GPM6A: variants seen among roughly 807,000 people sequenced by gnomAD.
GPM6A encodes the protein glycoprotein M6A.
Under a neutral mutation model 32.1 loss-of-function variants are expected in GPM6A, and 7 were observed. The ratio of observed to expected loss-of-function variants is 0.22; its 90% CI spans 0.12 to 0.41. The LOEUF is 0.41. GPM6A is among the 10% of genes least tolerant of loss of function. The pLI, the probability that GPM6A is intolerant of heterozygous loss-of-function variation, is 1.00. For missense variants in GPM6A, 235 were observed against 347.2 expected, an observed-to-expected ratio of 0.68 and a Z score of 2.57; for synonymous variants, 130 against 123.4, an observed-to-expected ratio of 1.05 and a Z score of -0.35.
intron 1 of GPM6A, among the ~76,000 whole-genome samples, chr4:175,919,710 C>T (rs542986289): frequency 6.6e-6 from 1 of 152,314 alleles, no homozygotes; most frequent in Admixed American, 6.5e-5. Flanking sequence ...CAACTGGACA[C>T]ACTCCTAAAT....
At chr4:175,837,501 T>C (rs1428379449) in intron 1 of GPM6A, among the ~76,000 whole-genome samples, 1 of 152,128 alleles carries the variant, frequency 6.6e-6, no homozygotes, top group Admixed American at 6.6e-5. Flanking sequence ...GAGAGAATGA[T>C]GGATCCAACC....
At chr4:175,902,402 A>C (rs566796420) in intron 1 of GPM6A, among the ~76,000 whole-genome samples, 66 of 152,208 alleles carry the variant, frequency 4.3e-4, no homozygotes, top group Non-Finnish European at 8.2e-4. Flanking sequence ...TGCAGACATA[A>C]ATAAGCAAGT....
intron 2 of GPM6A, among the ~76,000 whole-genome samples, chr4:175,680,983 C>A (rs1417500440): frequency 6.6e-6 from 1 of 152,200 alleles, no homozygotes; most frequent in Admixed American, 6.5e-5. Context: ...TATTTACACA[C>A]TATCATTTAT....
chr4:175,901,993 G>T (rs1311730347), intron 1 of GPM6A, among the ~76,000 whole-genome samples: 2 of 152,026 alleles, frequency 1.3e-5, no homozygotes, highest in East Asian at 1.9e-4. Flanking sequence ...TCCACTTTTA[G>T]ATTTTTATCC....
intron 1 of GPM6A, among the ~76,000 whole-genome samples, chr4:175,901,713 G>A (rs1239739012): frequency 1.5e-5 from 2 of 133,550 alleles, no homozygotes; most frequent in African/African-American, 2.9e-5. Context: ...TGCAACCTCC[G>A]CCTCCTCAGT....
intron 1 of GPM6A, among the ~76,000 whole-genome samples, chr4:175,724,610 G>A (rs1746311508): frequency 6.6e-6 from 1 of 152,020 alleles, no homozygotes; most frequent in South Asian, 2.1e-4. Context: ...CGCTGGGGGT[G>A]GGCAGAATAG....
intron 1 of GPM6A, among the ~76,000 whole-genome samples, chr4:175,847,909 G>A (rs1015225209): frequency 6.6e-6 from 1 of 152,164 alleles, no homozygotes; most frequent in African/African-American, 2.4e-5. Flanking sequence ...TCTGATCAAC[G>A]TCAACCAGGT....
chr4:175,880,207 T>C (rs1560977059), intron 1 of GPM6A, among the ~76,000 whole-genome samples: 1 of 152,166 alleles, frequency 6.6e-6, no homozygotes, highest in African/African-American at 2.4e-5. Context: ...AGATGTGTGG[T>C]ATTATTTCTG....
upstream of GPM6A, chr4:175,812,304 T>TTTTTTTTTG (rs1734958438): frequency 3.1e-6 from 3 of 980,802 alleles, no homozygotes; most frequent in South Asian, 2.6e-5. Flanking sequence ...ACTGGGGGTT[T>TTTTTTTTTG]TTTTTTTTTT....
intron 1 of GPM6A, among the ~76,000 whole-genome samples, chr4:175,785,401 T>A (rs1733762388): frequency 6.6e-6 from 1 of 152,176 alleles, no homozygotes; most frequent in Non-Finnish European, 1.5e-5. Context: ...CCCACATAAC[T>A]GTGAAAAATA....
intron 3 of GPM6A, among the ~76,000 whole-genome samples, chr4:175,662,278 G>C (rs1742468704): frequency 6.6e-6 from 1 of 151,992 alleles, no homozygotes; most frequent in South Asian, 2.1e-4. Flanking sequence ...CTTTCAACTA[G>C]TGCTTCGCTT....
intron 1 of GPM6A, among the ~76,000 whole-genome samples, chr4:175,833,154 G>A (rs1177372926): frequency 6.6e-6 from 1 of 152,182 alleles, no homozygotes; most frequent in Non-Finnish European, 1.5e-5. Context: ...CTTCTCTGGA[G>A]AGGCTCTTAA....
At chr4:175,981,115 A>C (rs1740803391) in intron 1 of GPM6A, among the ~76,000 whole-genome samples, 1 of 152,144 alleles carries the variant, frequency 6.6e-6, no homozygotes, top group South Asian at 2.1e-4. Flanking sequence ...ATTATTGTTA[A>C]TCTTTTAAAA....
At chr4:175,865,393 A>G (rs563241270) in intron 1 of GPM6A, among the ~76,000 whole-genome samples, 15 of 152,150 alleles carry the variant, frequency 9.9e-5, no homozygotes, top group Admixed American at 2.0e-4. Context: ...CTTTTTCACA[A>G]TTGTTTTAGC....
chr4:175,953,385 C>T (rs1244500426), intron 1 of GPM6A, among the ~76,000 whole-genome samples: 2 of 152,098 alleles, frequency 1.3e-5, no homozygotes, highest in African/African-American at 2.4e-5. Flanking sequence ...CAGACCTAAA[C>T]TGTATCCATT....
intron 4 of GPM6A, among the ~76,000 whole-genome samples, chr4:175,649,951 A>G (rs1741684626): frequency 6.6e-6 from 1 of 152,206 alleles, no homozygotes; most frequent in Non-Finnish European, 1.5e-5. Flanking sequence ...TTTTAGGATC[A>G]GCAGAATAAA....
chr4:175,775,409 T>C (rs2111241389), intron 1 of GPM6A, among the ~76,000 whole-genome samples: 1 of 152,270 alleles, frequency 6.6e-6, no homozygotes. Flanking sequence ...TTCTCCAAAG[T>C]CATGCCCAAC....
At chr4:175,702,289 C>T (rs1744923608) in intron 1 of GPM6A, among the ~76,000 whole-genome samples, 1 of 152,092 alleles carries the variant, frequency 6.6e-6, no homozygotes, top group Admixed American at 6.5e-5. Context: ...ATTGGGATAT[C>T]CACCGCCTAA....
intron 1 of GPM6A, among the ~76,000 whole-genome samples, chr4:175,730,750 A>G (rs1346039932): frequency 2.0e-5 from 3 of 152,148 alleles, no homozygotes; most frequent in Non-Finnish European, 4.4e-5. Context: ...CTGAGATTCC[A>G]GGTGTGAGCC....
Sources: gnomAD v4.1 joint callset for allele counts (sites outside exome capture counted in the v4.1 genomes callset) on GRCh38, gnomAD v4.1.1 for gene constraint, MANE v1.5 for transcripts, NCBI Gene and HGNC (gene_info 2026-07-23, HGNC 2026-07-21) for gene names.